LYRM4: variants seen among roughly 807,000 people sequenced by gnomAD.
LYRM4 encodes the protein LYR motif containing 4.
A neutral mutation model predicts 11.7 loss-of-function variants in LYRM4; 9 were observed. That is an observed-to-expected ratio of 0.77 (90% CI 0.46 to 1.34). The LOEUF (loss-of-function observed/expected upper bound fraction) is 1.34, where lower values mean the gene tolerates loss of function less well. Ranked by LOEUF, LYRM4 falls within the 40% of genes most tolerant of loss-of-function variation. The probability of loss-of-function intolerance (pLI) is 0.00; values close to 1 mark genes in which losing one functional copy is unlikely to be tolerated. For missense variants in LYRM4, 133 were observed against 112.5 expected (o/e 1.18, Z -0.82); for synonymous variants, 42 against 40.4 (o/e 1.04, Z -0.15).
the LYRM4 span, among the ~76,000 whole-genome samples, chr6:5,061,578 T>C: frequency 2.0e-5 from 3 of 152,224 alleles, no homozygotes; most frequent in Non-Finnish European, 4.4e-5. Context: ...TAGCAAACGC[T>C]GAAGGTGGCT....
At chr6:5,104,235 G>A (rs185069657), downstream of LYRM4, 2 of 152,136 alleles carry the variant, frequency 1.3e-5, no homozygotes, top group Admixed American at 6.5e-5. Flanking sequence ...ACAGAGTTAC[G>A]GGTAAAATCT....
At chr6:5,240,017 T>C (rs1026069759) in intron 1 of LYRM4, among the ~76,000 whole-genome samples, 4 of 152,222 alleles carry the variant, frequency 2.6e-5, no homozygotes, top group African/African-American at 9.6e-5. Context: ...ACCCAGGGCC[T>C]GTGGTCTAGG....
intron 2 of LYRM4, chr6:5,138,817 A>G (rs1419756773): frequency 3.7e-6 from 4 of 1,077,840 alleles, no homozygotes; most frequent in African/African-American, 1.6e-5. Flanking sequence ...GATTTCAAAC[A>G]GAAGCAAGTG....
chr6:5,126,011 C>A (rs373503617), intron 2 of LYRM4, among the ~76,000 whole-genome samples: 27 of 152,230 alleles, frequency 1.8e-4, no homozygotes, highest in African/African-American at 5.8e-4. Flanking sequence ...GAAGACATCG[C>A]CTTTCACCAT....
intron 2 of LYRM4, among the ~76,000 whole-genome samples, chr6:5,183,533 A>G (rs990033182): frequency 2.6e-5 from 4 of 152,220 alleles, no homozygotes; most frequent in Non-Finnish European, 4.4e-5. Context: ...AAAGTTGGTA[A>G]AAAAATTTCT....
intron 2 of LYRM4, among the ~76,000 whole-genome samples, chr6:5,147,788 T>C (rs1757809558): frequency 1.1e-5 from 1 of 93,330 alleles, no homozygotes; most frequent in South Asian, 6.3e-4. Context: ...CAGGGTGAAT[T>C]AGGCCCTTCT....
chr6:5,145,073 TTCCAC>T (rs1757643628), intron 2 of LYRM4, among the ~76,000 whole-genome samples: 1 of 152,148 alleles, frequency 6.6e-6, no homozygotes, highest in East Asian at 1.9e-4. Context: ...TGGAAGAGAA[TTCCAC>T]AGAAAGCAGA....
rs190624689 is a variant in LYRM4, at chr6:5,193,985, G to A, written c.207+22633C>T. 2.3e-4 allele frequency among the ~76,000 whole-genome samples: 34 copies of A among 147,916 alleles called. No individual in the cohort carries two copies. The East Asian group carries it at 6.7e-3, about 29-fold the overall frequency. On this transcript the variant is annotated intron_variant, in intron 2 of 2. Transcript: ENST00000330636. ...AAATATATGATTGTTAAAAAGGCAC[G>A]TTATGTAGGCCAGGTCTGATTTCAA...
chr6:5,072,362 G>A, the LYRM4 span, among the ~76,000 whole-genome samples: 1 of 152,112 alleles, frequency 6.6e-6, no homozygotes, highest in Non-Finnish European at 1.5e-5. Flanking sequence ...TTGCTGGGTT[G>A]AATGGTATTT....
chr6:5,194,420 G>A (rs1760938582), intron 2 of LYRM4, among the ~76,000 whole-genome samples: 1 of 152,112 alleles, frequency 6.6e-6, no homozygotes, highest in African/African-American at 2.4e-5. Context: ...ATGAGCACCA[G>A]CTTTACTGTT....
chr6:5,154,676 G>A (rs916089473), intron 2 of LYRM4, among the ~76,000 whole-genome samples: 7 of 152,108 alleles, frequency 4.6e-5, no homozygotes, highest in Non-Finnish European at 7.4e-5. Context: ...AGAATTAGCC[G>A]GGCGTGGTGT....
chr6:5,227,505 G>A (rs1002893634), intron 1 of LYRM4, among the ~76,000 whole-genome samples: 3 of 152,154 alleles, frequency 2.0e-5, no homozygotes, highest in Non-Finnish European at 2.9e-5. Flanking sequence ...CCAGAAATAG[G>A]AATGCTTTTA....
the LYRM4 span, among the ~76,000 whole-genome samples, chr6:5,051,938 A>G: frequency 6.6e-6 from 1 of 152,168 alleles, no homozygotes; most frequent in Non-Finnish European, 1.5e-5. Flanking sequence ...ATGGGAGCTA[A>G]TAGACTGAGA....
At chr6:5,155,376 C>T (rs373099029) in intron 2 of LYRM4, among the ~76,000 whole-genome samples, 7 of 152,140 alleles carry the variant, frequency 4.6e-5, no homozygotes, top group Admixed American at 2.0e-4. Flanking sequence ...CCTCTGAGCC[C>T]GGCTGAGATG....
At chr6:5,110,043 C>T (rs1762809915) in intron 2 of LYRM4, among the ~76,000 whole-genome samples, 1 of 152,176 alleles carries the variant, frequency 6.6e-6, no homozygotes, top group Non-Finnish European at 1.5e-5. Flanking sequence ...TTTAAAGTGT[C>T]CTTTTTATTA....
At chr6:5,216,867 C>T (rs1056356715) in intron 1 of LYRM4, 129 bp from the exon 2 acceptor site, 6 of 1,148,554 alleles carry the variant, frequency 5.2e-6, no homozygotes, top group Admixed American at 2.8e-5. Context: ...CCACTTTGAT[C>T]TTTGCTCGTG....
chr6:5,260,921 C>A lies in LYRM4; in HGVS notation c.-188G>T. The A allele has an allele frequency of 7.3e-7, 1 of 1,365,688 alleles. No individual in the cohort carries two copies. The highest frequency in any genetic ancestry group is 9.4e-7 in the Non-Finnish European group (1 of 1,064,690). 84.6% of individuals were successfully genotyped at this position (1,365,688 alleles called of 1,614,324 possible). A position where few individuals can be genotyped will look rare whatever the true frequency, so the allele number is the denominator to read the frequency against. On this transcript the variant is annotated 5_prime_UTR_variant, in exon 1 of 3. Transcript: ENST00000330636. Reference sequence around the variant, plus strand: ...CGCGGACGGCGCCAGGCGTCCCGCGCCGCTTCGGGGGCGGGCGCAGGCAGG... The same window carrying A: ...CGCGGACGGCGCCAGGCGTCCCGCGACGCTTCGGGGGCGGGCGCAGGCAGG...
intron 2 of LYRM4, among the ~76,000 whole-genome samples, chr6:5,118,158 C>T (rs1474717880): frequency 6.8e-6 from 1 of 147,160 alleles, no homozygotes; most frequent in Non-Finnish European, 1.5e-5. Flanking sequence ...ATCCAGGCTG[C>T]AGTGCTGTGG....
chr6:5,205,692 A>G (rs535855922), intron 2 of LYRM4, among the ~76,000 whole-genome samples: 2 of 152,356 alleles, frequency 1.3e-5, no homozygotes, highest in South Asian at 4.1e-4. Flanking sequence ...TGGCTCTGCT[A>G]AAATAGAACC....
Sources: gnomAD v4.1 joint callset for allele counts (sites outside exome capture counted in the v4.1 genomes callset) on GRCh38, gnomAD v4.1.1 for gene constraint, MANE v1.5 for transcripts, NCBI Gene and HGNC (gene_info 2026-07-23, HGNC 2026-07-21) for gene names.